The following COL16A1 variants were observed in gnomAD, a reference collection of about 807,000 sequenced individuals.
COL16A1 encodes the protein collagen alpha-1(XVI) chain.
Under a neutral mutation model 266.3 loss-of-function variants are expected in COL16A1, and 189 were observed. That is an observed-to-expected ratio of 0.71 (90% CI 0.63 to 0.80). The LOEUF (loss-of-function observed/expected upper bound fraction) is 0.80, where lower values mean the gene tolerates loss of function less well. Among genes scored for constraint, COL16A1 ranks in the 30% least tolerant of loss-of-function variants. The pLI, the probability that COL16A1 is intolerant of heterozygous loss-of-function variation, is 0.00. For synonymous variants in COL16A1, 740 were observed against 782.3 expected (o/e 0.95, Z 0.90); for missense variants, 1,928 against 2,122.4 (o/e 0.91, Z 1.80).
At chr1:31,679,529 T>C (rs1643444261) in intron 42 of COL16A1, 103 bp downstream of exon 42, 1 of 1,613,850 alleles carries the variant, frequency 6.2e-7, no homozygotes, top group African/African-American at 1.3e-5. Flanking sequence ...CATGTCTGTG[T>C]TTTTGGGGTG....
At chr1:31,679,381 C>T in intron 42 of COL16A1, 2 of 1,508,574 alleles carry the variant, frequency 1.3e-6, no homozygotes, top group East Asian at 2.5e-5. Context: ...TTTTATCTGA[C>T]CCAGATTGTG....
rs565116526 is a variant in COL16A1 at position 31,688,961 on chromosome 1, C to T, written c.1667G>A (p.Cys556Tyr). 12 of 1,614,034 alleles carry T rather than the reference C, an allele frequency of 7.4e-6. No individual in the cohort carries two copies. Among genetic ancestry groups the T allele is most frequent in the Non-Finnish European group, 1.0e-5 (12 of 1,180,008 alleles). The part of the protein sequence containing the change: ...QGIKGEKGEP[C>Y]LSCSSVVGAQ... ...CCCTACAACCGAGCTGCAGGACAAG[C>T]AGGGCTCCCCCTGGGGAAAGAAGAG... Residue 556 changes from cysteine (C) to tyrosine (Y), a missense_variant, in exon 25 of 71, where the codon TGC becomes TAC. Cys to Tyr is a radical substitution (Grantham distance 194, BLOSUM62 -2). This residue lies in a region of COL16A1 where 1,552 missense variants were observed against 1,637.2 expected (regional missense o/e 0.95). Coordinates refer to ENST00000373672, the MANE Select transcript of COL16A1 (RefSeq NM_001856.4). The surrounding 1 kb of genome is among the most constrained non-coding windows in gnomAD (Gnocchi z 4.9).
Position 31,698,156 on chromosome 1 carries a change from T to C in COL16A1, c.407A>G (p.Asn136Ser), listed in dbSNP as rs764082937. ...NGYPQISLEV[N>S]SQERSLELRA... ...GAGCTCCAGGCTCCGCTCTTGGCTG[T>C]TGACTTCCAGGGATATCTGGGTAGA... The change falls in exon 6 of 71, where the codon AAC (asparagine) becomes AGC (serine). Residue 136 changes from asparagine (N) to serine (S), a missense_variant. Asn to Ser is a conservative substitution (Grantham distance 46). Transcript: ENST00000373672. The surrounding 1 kb of genome is among the most constrained non-coding windows in gnomAD (Gnocchi z 4.1). The C allele has an allele frequency of 4.3e-6, 7 of 1,613,776 alleles. No individual in the cohort carries two copies. In the South Asian group the frequency reaches 6.6e-5, roughly 15 times the overall value.
intron 13 of COL16A1, 41 bp from the exon 14 acceptor site, chr1:31,692,849 G>C (rs760435172): frequency 6.3e-7 from 1 of 1,577,958 alleles, no homozygotes; most frequent in Non-Finnish European, 8.7e-7. Context: ...GGAACTCCTG[G>C]GGAAGTCCCC....
At chr1:31,654,081 G>A (rs771650630) in intron 68 of COL16A1, 38 bp from the exon 69 acceptor site, 3 of 1,583,530 alleles carry the variant, frequency 1.9e-6, no homozygotes, top group South Asian at 2.3e-5. Flanking sequence ...AGGTCAGAGG[G>A]TCCCCCAGGG....
Position 31,672,461 on chromosome 1 carries a change from T to C in COL16A1, c.3060A>G (p.Pro1020=), listed in dbSNP as rs759456155. 36 of 1,614,034 alleles carry C rather than the reference T, an allele frequency of 2.2e-5. No individual in the cohort carries two copies. In the South Asian group the frequency reaches 3.8e-4, roughly 17 times the overall value. The change falls in exon 47 of 71, where the codon CCA becomes CCG. Residue 1020 remains proline, a synonymous_variant. Transcript: ENST00000373672. ...GCAATCCCGGAGGACCAGGTAGGCCTGGGCTCCCAACACAGCCAGGATCTC... is the reference window on the plus strand; with the variant it reads ...GCAATCCCGGAGGACCAGGTAGGCCCGGGCTCCCAACACAGCCAGGATCTC... The part of the protein sequence containing the change: ...SEGDPGCVGS[P]GLPGPPGLPG...
At chr1:31,673,032 A>C in intron 44 of COL16A1, 192 bp from the exon 45 acceptor site, 11 of 657,308 alleles carry the variant, frequency 1.7e-5, no homozygotes, top group East Asian at 2.8e-5. Flanking sequence ...ACTCCCAACA[A>C]TTGGCTTTGA....
chr1:31,679,892 T>C (rs1643487616), intron 40 of COL16A1, 41 bp from the exon 41 acceptor site: 3 of 1,508,330 alleles, frequency 2.0e-6, no homozygotes, highest in South Asian at 1.3e-5. Context: ...GGAGAGGTTA[T>C]AGGCAACGTC....
In COL16A1 at chr1:31,700,112, G is replaced by A. The variant is rs749768320; in HGVS notation, c.77C>T (p.Ala26Val). 2.5e-5 allele frequency: 41 copies of A among 1,614,048 alleles called. No individual in the cohort carries two copies. The highest frequency in any genetic ancestry group is 6.7e-5 in the Admixed American group (4 of 59,998). ...TTCCTGCTGTGAAGGTGGGCATTGT[G>A]CACCTAGAAGAGAAGGGGCAGGGGG... is the stretch of plus-strand genomic sequence containing the variant. The part of the protein sequence containing the change: ...ATFGHGANTG[A>V]QCPPSQQEGL... Residue 26 changes from alanine (A) to valine (V), a missense_variant, in exon 3 of 71, where the codon GCA becomes GTA. Transcript: ENST00000373672.
chr1:31,699,270 A>G (rs79699360), intron 4 of COL16A1, among the ~76,000 whole-genome samples: 4,321 of 152,270 alleles, frequency 0.028, 220 homozygotes, highest in African/African-American at 0.098. Flanking sequence ...TTGCAATTTG[A>G]ATAAGTGCTT....
intron 20 of COL16A1, 99 bp from the exon 21 acceptor site, chr1:31,690,672 A>G (rs1217763112): frequency 1.1e-5 from 17 of 1,511,528 alleles, no homozygotes; most frequent in Admixed American, 8.2e-5. Flanking sequence ...TGGCAGAACA[A>G]TCGTTGCCAA....
In COL16A1 at chr1:31,662,341, C is replaced by T. The variant is rs1641747936; in HGVS notation, c.3674G>A (p.Gly1225Asp). 6.2e-7 allele frequency: 1 copy of T among 1,601,074 alleles called. No homozygotes were observed. Among genetic ancestry groups the T allele is most frequent in the Non-Finnish European group, 8.5e-7 (1 of 1,172,068 alleles). The change falls in exon 58 of 71, where the codon GGC becomes GAC. Residue 1225 changes from glycine to aspartate, a missense_variant. Around this residue, in one of 2 missense-constraint regions of COL16A1, gnomAD observed 1,552 missense variants for 1,637.2 expected, o/e 0.95. Coordinates refer to ENST00000373672, the MANE Select transcript of COL16A1 (RefSeq NM_001856.4). ...DGLDGKDGKP[G>D]LRGDPGPAGP... ...CCCAGCCCATCATCTCACCCTCAAG[C>T]CAGGCTTGCCGTCCTTCCCATCCAA...
intron 26 of COL16A1, among the ~76,000 whole-genome samples, chr1:31,686,983 G>A (rs542638376): frequency 1.3e-5 from 2 of 152,322 alleles, no homozygotes; most frequent in South Asian, 2.1e-4. Flanking sequence ...GATGGGGGCT[G>A]GGGCATCCGG....
At chr1:31,687,161 C>T (rs963009002) in intron 26 of COL16A1, among the ~76,000 whole-genome samples, 4 of 152,128 alleles carry the variant, frequency 2.6e-5, no homozygotes, top group Non-Finnish European at 4.4e-5. Flanking sequence ...GAGGGTAGAT[C>T]GCTTGAGGTC....
At chr1:31,671,204 C>G (rs558959572) in intron 48 of COL16A1, among the ~76,000 whole-genome samples, 10 of 152,236 alleles carry the variant, frequency 6.6e-5, no homozygotes. Context: ...ATCTTAGCCC[C>G]GAGCCCTTGT....
chr1:31,685,991 C>A lies in COL16A1; in HGVS notation c.1884+100G>T. 1.9e-6 allele frequency: 3 copies of A among 1,553,342 alleles called. No homozygotes were observed. Among genetic ancestry groups the A allele is most frequent in the Non-Finnish European group, 8.7e-7 (1 of 1,145,178 alleles). Reference sequence around the variant, plus strand: ...TGCTAAGGAGTCAGACTCTGCCCGACAGACAGCAAGGAGCCCCAGAGGGTT... The same window carrying A: ...TGCTAAGGAGTCAGACTCTGCCCGAAAGACAGCAAGGAGCCCCAGAGGGTT... On this transcript the variant is annotated intron_variant, in intron 28 of 70. Transcript: ENST00000373672. The surrounding 1 kb of genome is among the most constrained non-coding windows in gnomAD (Gnocchi z 4.0).
At position 31,689,597 on chromosome 1, in the gene COL16A1, G is replaced by A. The variant is rs144963280; in HGVS notation, c.1620+144C>T. 220 of 693,098 alleles carry A rather than the reference G, an allele frequency of 3.2e-4. No individual in the cohort carries two copies. The African/African-American group carries it at 3.7e-3, about 12-fold the overall frequency. The allele number at this position is 693,098 out of a possible 1,614,324, so 42.9% of individuals were successfully genotyped here. ...TCTATGGTTCAGACCCCTTACCACA[G>A]TAAGAGCCTAGACTCTCTGCCCATA... On this transcript the variant is annotated intron_variant, in intron 23 of 70. Coordinates refer to ENST00000373672, the MANE Select transcript of COL16A1 (RefSeq NM_001856.4).
At position 31,697,206 on chromosome 1, in the gene COL16A1, G is replaced by T. The variant is rs201564822; in HGVS notation, c.738+14C>A. On this transcript the variant is annotated intron_variant, in intron 7 of 70. Transcript: ENST00000373672. The surrounding 1 kb of genome is among the most constrained non-coding windows in gnomAD (Gnocchi z 4.2). ...CAGTGTGTCCCTGGGCAGCCCAAGG[G>T]CCGGGCCACTCACCCCTGCTGGTAA... 1.4e-4 allele frequency: 231 copies of T among 1,613,218 alleles called. No homozygotes were observed. Among genetic ancestry groups the T allele is most frequent in the Non-Finnish European group, 1.9e-4 (219 of 1,179,744 alleles).
At position 31,653,606 on chromosome 1, in the gene COL16A1, GC is replaced by G; in HGVS notation, c.4604del (p.Gly1535AlafsTer62). ...AATGGTGGTATTTCCTACCTGGGGGGCCGGGAAGACCATTTTCTCCTGCAAT... is the reference window on the plus strand; with the variant it reads ...AATGGTGGTATTTCCTACCTGGGGGGCGGGAAGACCATTTTCTCCTGCAAT... ...IGIAGENGLPGPPGPQGPPGY... is the reference protein window; with the variant it reads ...IGIAGENGLPXPPGPQGPPGY... On this transcript the variant is annotated frameshift_variant, in exon 70 of 71. Coordinates refer to ENST00000373672, the MANE Select transcript of COL16A1 (RefSeq NM_001856.4). LOFTEE classifies it high-confidence loss of function. 6.2e-7 allele frequency: 1 copy of G among 1,613,760 alleles called. No homozygotes were observed. The highest frequency in any genetic ancestry group is 1.1e-5 in the South Asian group (1 of 91,048).
Sources: gnomAD v4.1 joint callset for allele counts (sites outside exome capture counted in the v4.1 genomes callset) on GRCh38, gnomAD v4.1.1 for gene constraint, gnomAD v4.1.1 regional missense constraint, Gnocchi (gnomAD v3.1) non-coding constraint, MANE v1.5 for transcripts, NCBI Gene and HGNC (gene_info 2026-07-23, HGNC 2026-07-21) for gene names.